The following PCDH11X variants were observed in gnomAD, a reference collection of about 807,000 sequenced individuals.
PCDH11X encodes the protein protocadherin 11 X-linked, also known as protocadherin-11 X-linked.
A neutral mutation model predicts 53.3 loss-of-function variants in PCDH11X; 18 were observed. The ratio of observed to expected loss-of-function variants is 0.34; its 90% confidence interval spans 0.23 to 0.50. PCDH11X has a LOEUF of 0.50. Ranked by LOEUF, PCDH11X falls within the 20% of genes least tolerant of loss-of-function variation. PCDH11X has a pLI of 0.98. For missense variants in PCDH11X, 570 were observed against 1,032.4 expected, an observed-to-expected ratio of 0.55 and a Z score of 6.14; for synonymous variants, 279 against 393.3, an observed-to-expected ratio of 0.71 and a Z score of 3.44.
chrX:91,962,415 C>G (rs1247331345), intron 6 of PCDH11X, among the ~76,000 whole-genome samples: 1 of 112,626 alleles, frequency 8.9e-6, no homozygotes, highest in Non-Finnish European at 1.9e-5. Context: ...ATCTTTGAAT[C>G]CAAGTCTCAC....
At chrX:92,403,339 G>GT (rs1191277649) in intron 9 of PCDH11X, among the ~76,000 whole-genome samples, 3,490 of 49,189 alleles carry the variant, frequency 0.071, 352 homozygotes, top group African/African-American at 0.2. Context: ...GTTTTTTTTT[G>GT]TTTTTTTTTT....
In PCDH11X at chrX:92,615,211, A is replaced by G. The variant is rs767498250; in HGVS notation, c.3368-3053A>G. Among the ~76,000 whole-genome samples the G allele has an allele frequency of 3.6e-3, 399 of 110,716 alleles. 1 individual carries two copies. The highest frequency in any genetic ancestry group is 3.2e-3 in the Non-Finnish European group (167 of 52,825). ...TGATCCAGGTGAGGAAGTGCTTCAAACACCTGGAGATCTGTTTGGGTATTG... is the reference window on the plus strand; with the variant it reads ...TGATCCAGGTGAGGAAGTGCTTCAAGCACCTGGAGATCTGTTTGGGTATTG... On this transcript the variant is annotated intron_variant, in intron 10 of 10. Coordinates refer to ENST00000682573, the MANE Select transcript of PCDH11X (RefSeq NM_032968.5).
intron 9 of PCDH11X, among the ~76,000 whole-genome samples, chrX:92,443,457 TC>T: frequency 8.9e-6 from 1 of 112,003 alleles, no homozygotes; most frequent in South Asian, 3.7e-4. Flanking sequence ...GCAAATATTT[TC>T]TCCTATGCTG....
At chrX:92,411,268 T>C (rs1180328924) in intron 9 of PCDH11X, among the ~76,000 whole-genome samples, 1 of 111,196 alleles carries the variant, frequency 9.0e-6, no homozygotes, top group African/African-American at 3.3e-5. Flanking sequence ...TATTGTACTT[T>C]TAAAATTTTA....
intron 10 of PCDH11X, among the ~76,000 whole-genome samples, chrX:92,517,009 T>C (rs930412136): frequency 8.9e-6 from 1 of 112,346 alleles, no homozygotes; most frequent in Non-Finnish European, 1.9e-5. Context: ...TTGTGAAAGA[T>C]TGTGAGAACG....
At chrX:91,833,024 C>T (rs1340279482) in intron 4 of PCDH11X, among the ~76,000 whole-genome samples, 2 of 98,323 alleles carry the variant, frequency 2.0e-5, no homozygotes, top group Admixed American at 1.1e-4. Context: ...CCAATAGGCC[C>T]CAGTGTGTGT....
chrX:91,807,885 G>A (rs1318316175), intron 1 of PCDH11X, among the ~76,000 whole-genome samples: 2 of 107,726 alleles, frequency 1.9e-5, no homozygotes, highest in Non-Finnish European at 3.8e-5. Flanking sequence ...TAGCTCTGTC[G>A]ATCCAGGGAT....
chrX:92,279,440 C>G (rs1240603698), intron 8 of PCDH11X, among the ~76,000 whole-genome samples: 1 of 111,979 alleles, frequency 8.9e-6, no homozygotes, highest in Non-Finnish European at 1.9e-5. Context: ...TTTCCGTAGT[C>G]AGCATTGAAT....
At chrX:92,426,041 G>A (rs2072102124) in intron 9 of PCDH11X, among the ~76,000 whole-genome samples, 1 of 87,162 alleles carries the variant, frequency 1.1e-5, no homozygotes, top group Non-Finnish European at 2.2e-5. Flanking sequence ...TGAAAGTCTG[G>A]ATCTAGTAGG....
chrX:91,808,313 G>A (rs998386493), intron 1 of PCDH11X, among the ~76,000 whole-genome samples: 9 of 107,859 alleles, frequency 8.3e-5, no homozygotes, highest in Admixed American at 2.0e-4. Flanking sequence ...TGGCCAACAC[G>A]GTGAAACCCT....
intron 10 of PCDH11X, among the ~76,000 whole-genome samples, chrX:92,518,951 G>A (rs2074320854): frequency 9.3e-6 from 1 of 107,867 alleles, no homozygotes. Flanking sequence ...TAGAGACGGG[G>A]ATTCACCGTG....
intron 8 of PCDH11X, among the ~76,000 whole-genome samples, chrX:92,322,275 A>G (rs2069232818): frequency 9.0e-6 from 1 of 111,319 alleles, no homozygotes; most frequent in Non-Finnish European, 1.9e-5. Flanking sequence ...TGGACAGGTG[A>G]CTGAATCAAA....
chrX:91,794,249 C>T lies in PCDH11X; in HGVS notation c.-379+14565C>T, dbSNP rs774406246. Among the ~76,000 whole-genome samples the T allele has an allele frequency of 1.5e-4, 17 of 111,929 alleles. No individual in the cohort carries two copies. The East Asian group carries it at 2.3e-3, about 15-fold the overall frequency. On this transcript the variant is annotated intron_variant, in intron 1 of 10. Transcript: ENST00000682573. ...ATTAGCTGGAGCAGACATTTTTAGCCTCCCTTTCTTTTGTCCATTTCTGTT... is the reference window on the plus strand; with the variant it reads ...ATTAGCTGGAGCAGACATTTTTAGCTTCCCTTTCTTTTGTCCATTTCTGTT...
At chrX:91,796,389 G>A (rs1935735102) in intron 1 of PCDH11X, among the ~76,000 whole-genome samples, 1 of 110,775 alleles carries the variant, frequency 9.0e-6, no homozygotes, top group African/African-American at 3.3e-5. Context: ...TTTAGGTGTA[G>A]TTTTTTTAAT....
In PCDH11X at chrX:92,347,748, T is replaced by C. The variant is rs534298951; in HGVS notation, c.3145-39987T>C. ...TAAAACTACATTGGAGCAAAGTACA[T>C]TTAAAAACCCTTTATTGTTCTTGCT... On this transcript the variant is annotated intron_variant, in intron 8 of 10. Transcript: ENST00000682573. 2.7e-5 allele frequency among the ~76,000 whole-genome samples: 3 copies of C among 111,889 alleles called. No individual in the cohort carries two copies. The South Asian group carries it at 1.1e-3, about 42-fold the overall frequency.
At chrX:91,983,712 C>T (rs962571282) in intron 6 of PCDH11X, among the ~76,000 whole-genome samples, 3 of 111,863 alleles carry the variant, frequency 2.7e-5, no homozygotes, top group Non-Finnish European at 3.8e-5. Context: ...TTCCCTCCCA[C>T]AACATGTGGG....
intron 8 of PCDH11X, among the ~76,000 whole-genome samples, chrX:92,291,923 A>G (rs2068502251): frequency 9.0e-6 from 1 of 111,205 alleles, no homozygotes; most frequent in Non-Finnish European, 1.9e-5. Flanking sequence ...ACAAAAGCAA[A>G]AAATAATTAA....
chrX:92,373,817 C>A (rs2070681078), intron 8 of PCDH11X, among the ~76,000 whole-genome samples: 1 of 111,495 alleles, frequency 9.0e-6, no homozygotes, highest in Admixed American at 9.6e-5. Flanking sequence ...AAGAGTAATG[C>A]TTTACTGAAT....
At chrX:92,254,135 T>A (rs2067515437) in intron 7 of PCDH11X, among the ~76,000 whole-genome samples, 1 of 112,426 alleles carries the variant, frequency 8.9e-6, no homozygotes, top group Admixed American at 9.4e-5. Flanking sequence ...TATCATGCAA[T>A]GATGTTGAAT....
Sources: gnomAD v4.1 joint callset for allele counts (sites outside exome capture counted in the v4.1 genomes callset) on GRCh38, gnomAD v4.1.1 for gene constraint, MANE v1.5 for transcripts, NCBI Gene and HGNC (gene_info 2026-07-23, HGNC 2026-07-21) for gene names.